The following GRXCR2 variants were observed in gnomAD, a reference collection of about 807,000 sequenced individuals.
GRXCR2 encodes the protein glutaredoxin and cysteine rich domain containing 2, also known as glutaredoxin domain-containing cysteine-rich protein 2.
Under a neutral mutation model 24.8 loss-of-function variants are expected in GRXCR2, and 23 were observed. The observed-to-expected ratio is 0.93, with a 90% CI of 0.67 to 1.32. The LOEUF (loss-of-function observed/expected upper bound fraction) is 1.32, where lower values mean the gene tolerates loss of function less well. Among genes scored for constraint, GRXCR2 ranks in the 40% most tolerant of loss-of-function variants. GRXCR2 has a pLI of 0.00. For missense variants in GRXCR2, 315 were observed against 303.4 expected (o/e 1.04, Z -0.28); for synonymous variants, 130 against 116.1 (o/e 1.12, Z -0.77).
upstream of GRXCR2, chr5:145,873,118 C>T: frequency 6.3e-6 from 4 of 631,592 alleles, no homozygotes; most frequent in South Asian, 6.0e-5. Flanking sequence ...AACTGACACC[C>T]ATACATTAAA....
upstream of GRXCR2, among the ~76,000 whole-genome samples, chr5:145,876,214 T>C (rs1297829470): frequency 3.6e-5 from 5 of 139,698 alleles, no homozygotes; most frequent in African/African-American, 1.4e-4. Context: ...TATATATATA[T>C]ATACACACAC....
upstream of GRXCR2, among the ~76,000 whole-genome samples, chr5:145,877,354 CTT>C (rs36071987): frequency 5.7e-5 from 8 of 140,754 alleles, no homozygotes; most frequent in Non-Finnish European, 9.3e-5. Context: ...CTTCACTATT[CTT>C]TTTTTTTTTT....
At chr5:145,890,763 A>T (rs1756851644) in intron 2 of GRXCR2, among the ~76,000 whole-genome samples, 2 of 152,104 alleles carry the variant, frequency 1.3e-5, no homozygotes, top group Non-Finnish European at 2.9e-5. Flanking sequence ...TCAAAATTTC[A>T]CATGTTAATA....
Position 145,859,407 on chromosome 5 carries a change from C to G in GRXCR2, c.*326G>C. The G allele has an allele frequency of 3.4e-6, 1 of 295,578 alleles. No homozygotes were observed. Among genetic ancestry groups the G allele is most frequent in the East Asian group, 7.0e-5 (1 of 14,366 alleles). 18.3% of individuals were successfully genotyped at this position (295,578 alleles called of 1,614,324 possible). On this transcript the variant is annotated 3_prime_UTR_variant, in exon 3 of 3. Transcript: ENST00000377976. ...TGCAAAATAACTCCCAACCTGATGC[C>G]TGAAGTGTACATGTATTTGCTCACT...
chr5:145,902,262 T>A (rs189704965), intron 2 of GRXCR2, among the ~76,000 whole-genome samples: 2 of 152,180 alleles, frequency 1.3e-5, no homozygotes, highest in East Asian at 3.9e-4. Flanking sequence ...CCTGTCTAAT[T>A]TTTATTTATT....
At chr5:145,893,020 T>C (rs1376774614) in intron 2 of GRXCR2, among the ~76,000 whole-genome samples, 1 of 152,136 alleles carries the variant, frequency 6.6e-6, no homozygotes, top group Admixed American at 6.6e-5. Context: ...CAATTTCATA[T>C]CCAGCCAAAC....
intron 2 of GRXCR2, among the ~76,000 whole-genome samples, chr5:145,888,961 G>A (rs1434788047): frequency 1.3e-5 from 2 of 152,002 alleles, no homozygotes; most frequent in African/African-American, 4.8e-5. Flanking sequence ...GTCACTTGAG[G>A]CCAGGAGTTT....
intron 2 of GRXCR2, among the ~76,000 whole-genome samples, chr5:145,888,906 G>C (rs7713576): frequency 6.6e-6 from 1 of 151,960 alleles, no homozygotes; most frequent in South Asian, 2.1e-4. Context: ...GGGTGCAGTG[G>C]CTCACGCCTG....
chr5:145,928,269 A>G (rs1757429393), intron 2 of GRXCR2, among the ~76,000 whole-genome samples: 1 of 152,158 alleles, frequency 6.6e-6, no homozygotes, highest in African/African-American at 2.4e-5. Flanking sequence ...GCTGGAGAGG[A>G]TGTGGACAAA....
At chr5:145,880,012 C>T (rs553303444) in intron 2 of GRXCR2, among the ~76,000 whole-genome samples, 13 of 152,296 alleles carry the variant, frequency 8.5e-5, no homozygotes, top group South Asian at 2.1e-4. Context: ...AAAGACACAA[C>T]GTACCAGAAT....
intron 2 of GRXCR2, among the ~76,000 whole-genome samples, chr5:145,904,949 G>A (rs1240509862): frequency 6.6e-6 from 1 of 152,080 alleles, no homozygotes; most frequent in Non-Finnish European, 1.5e-5. Context: ...AGGTCCAAAA[G>A]GAAGCAGTCC....
chr5:145,912,759 C>T (rs1757183718), intron 2 of GRXCR2, among the ~76,000 whole-genome samples: 2 of 152,010 alleles, frequency 1.3e-5, no homozygotes, highest in South Asian at 4.2e-4. Flanking sequence ...CCAGCCTGGC[C>T]TTGTCAACTG....
intron 2 of GRXCR2, among the ~76,000 whole-genome samples, chr5:145,910,295 T>C (rs1400348284): frequency 6.6e-6 from 1 of 152,062 alleles, no homozygotes. Context: ...ACATGCCACC[T>C]CTCATTGGAA....
chr5:145,910,931 C>T (rs961161838), intron 2 of GRXCR2, among the ~76,000 whole-genome samples: 2 of 151,892 alleles, frequency 1.3e-5, no homozygotes, highest in African/African-American at 4.8e-5. Flanking sequence ...ACGCCAAGGC[C>T]CTGAAAAGTT....
chr5:145,895,680 C>T (rs1394022571), intron 2 of GRXCR2, among the ~76,000 whole-genome samples: 3 of 152,286 alleles, frequency 2.0e-5, no homozygotes, highest in Admixed American at 6.5e-5. Flanking sequence ...TAGGAAGAAT[C>T]AGTATCGTGA....
intron 2 of GRXCR2, among the ~76,000 whole-genome samples, chr5:145,911,700 C>T (rs904615926): frequency 6.6e-6 from 1 of 152,172 alleles, no homozygotes; most frequent in Non-Finnish European, 1.5e-5. Context: ...CCATTTCCTC[C>T]TTTAATTCGT....
At chr5:145,875,993 G>A (rs899709755), upstream of GRXCR2, among the ~76,000 whole-genome samples, 13 of 151,516 alleles carry the variant, frequency 8.6e-5, 1 homozygote, top group Admixed American at 2.6e-4. Flanking sequence ...ATGAGACTTT[G>A]TCTCTACAAA....
intron 2 of GRXCR2, among the ~76,000 whole-genome samples, chr5:145,918,273 A>C (rs10515563): frequency 0.014 from 2,186 of 152,292 alleles, 55 homozygotes; most frequent in African/African-American, 0.05. Context: ...TAGGGCAGGC[A>C]ATTTCATTCC....
chr5:145,919,082 C>T (rs1483488938), intron 2 of GRXCR2, among the ~76,000 whole-genome samples: 2 of 152,170 alleles, frequency 1.3e-5, no homozygotes, highest in African/African-American at 2.4e-5. Context: ...GCGGTCAAGT[C>T]GGGGCAGACT....
Sources: allele counts gnomAD v4.1 joint callset (sites outside exome capture counted in the v4.1 genomes callset), GRCh38; gene constraint gnomAD v4.1.1; transcripts MANE v1.5; gene names NCBI Gene and HGNC (gene_info 2026-07-23, HGNC 2026-07-21).